MFSD8: variants seen among roughly 807,000 people sequenced by gnomAD.
The protein encoded by MFSD8 is major facilitator superfamily domain containing 8.
Under a neutral mutation model 66.4 loss-of-function variants are expected in MFSD8, and 55 were observed. The observed-to-expected ratio is 0.83, with a 90% confidence interval of 0.67 to 1.04. MFSD8 has a LOEUF of 1.04. MFSD8 is among the 50% of genes least tolerant of loss of function. The probability of loss-of-function intolerance (pLI) is 0.00; values close to 1 mark genes in which losing one functional copy is unlikely to be tolerated. For missense variants in MFSD8, 550 were observed against 627.6 expected (o/e 0.88, Z 1.32); for synonymous variants, 202 against 212.8 (o/e 0.95, Z 0.44).
At chr4:127,953,158 A>G (rs1742286812) in intron 2 of MFSD8, among the ~76,000 whole-genome samples, 1 of 152,108 alleles carries the variant, frequency 6.6e-6, no homozygotes, top group South Asian at 2.1e-4. Flanking sequence ...CATTCTGATT[A>G]GTCTAAAAAA....
At chr4:127,922,040 AC>A in intron 9 of MFSD8, 77 bp from the exon 10 acceptor site, 1 of 1,255,056 alleles carries the variant, frequency 8.0e-7, no homozygotes, top group East Asian at 2.5e-5. Context: ...AATTTTAAAA[AC>A]TAAAAATAAT....
At chr4:127,935,067 A>C (rs964355908) in intron 7 of MFSD8, among the ~76,000 whole-genome samples, 7 of 152,104 alleles carry the variant, frequency 4.6e-5, no homozygotes, top group African/African-American at 1.7e-4. Context: ...TAGATTTGGA[A>C]ATAGTCTGCT....
At chr4:127,961,775 T>C (rs6822340) in intron 1 of MFSD8, among the ~76,000 whole-genome samples, 11,733 of 140,948 alleles carry the variant, frequency 0.083, 914 homozygotes, top group East Asian at 0.28. Flanking sequence ...GAGCCGAGAT[T>C]GCGCCACTGC....
At chr4:127,949,393 T>C (rs1741578485) in intron 3 of MFSD8, among the ~76,000 whole-genome samples, 1 of 152,224 alleles carries the variant, frequency 6.6e-6, no homozygotes, top group Non-Finnish European at 1.5e-5. Flanking sequence ...TGTTACCTGA[T>C]AGCCCAAATT....
At chr4:127,946,452 C>G (rs1002017221) in intron 3 of MFSD8, among the ~76,000 whole-genome samples, 1 of 151,988 alleles carries the variant, frequency 6.6e-6, no homozygotes, top group Non-Finnish European at 1.5e-5. Flanking sequence ...CAATGACTAC[C>G]AGCATGGAAA....
At chr4:127,939,604 CAAAAAAAAAAAAAAA>C in intron 6 of MFSD8, 1 of 80,840 alleles carries the variant, frequency 1.2e-5, no homozygotes, top group South Asian at 2.1e-4. Flanking sequence ...GATCTTGTCT[CAAAAAAAAAAAAAAA>C]AAAAAAAAAA....
At chr4:127,962,858 G>A (rs1744028716) in intron 1 of MFSD8, among the ~76,000 whole-genome samples, 1 of 152,124 alleles carries the variant, frequency 6.6e-6, no homozygotes, top group Non-Finnish European at 1.5e-5. Flanking sequence ...TTAGTAAATC[G>A]AGGACCAGAG....
upstream of MFSD8, chr4:127,965,512 G>A: frequency 2.8e-6 from 1 of 354,376 alleles, no homozygotes; most frequent in Non-Finnish European, 5.4e-6. Flanking sequence ...TGCGATTGGG[G>A]CTGGGACCAA....
chr4:127,942,712 ACT>A (rs1266079016), intron 4 of MFSD8, among the ~76,000 whole-genome samples: 3 of 152,052 alleles, frequency 2.0e-5, no homozygotes, highest in African/African-American at 7.2e-5. Context: ...CTAAAAAAGC[ACT>A]GAGTGAATGG....
intron 8 of MFSD8, 23 bp from the exon 9 acceptor site, chr4:127,930,840 TA>T: frequency 6.3e-7 from 1 of 1,590,846 alleles, no homozygotes; most frequent in South Asian, 1.1e-5. Flanking sequence ...AAATTATTCT[TA>T]TTTTATTTAA....
At position 127,942,087 on chromosome 4, in the gene MFSD8, T is replaced by C; in HGVS notation, c.511A>G (p.Asn171Asp). Residue 171 changes from asparagine (N) to aspartate (D), a missense_variant, in exon 5 of 12, where the codon AAC becomes GAC. Asn to Asp is a conservative substitution (Grantham distance 23, BLOSUM62 1). Coordinates refer to ENST00000641686, the MANE Select transcript of MFSD8 (RefSeq NM_001371596.2). ...SLQERTSSMA[N>D]ISMCQALGFI... ...CCTAATGCTTGACACATGCTTATGT[T>C]TGCCATGGAACTTGTTCTTTCCTGA... The C allele has an allele frequency of 1.2e-6, 2 of 1,614,080 alleles. No homozygotes were observed. The highest frequency in any genetic ancestry group is 1.7e-6 in the Non-Finnish European group (2 of 1,179,978).
intron 5 of MFSD8, among the ~76,000 whole-genome samples, chr4:127,940,355 G>A (rs1377758835): frequency 4.0e-5 from 6 of 151,736 alleles, no homozygotes; most frequent in African/African-American, 4.8e-5. Context: ...ACAAGGAATT[G>A]TATCTTACAT....
chr4:127,927,316 C>A (rs984431932), intron 9 of MFSD8, among the ~76,000 whole-genome samples: 2 of 152,104 alleles, frequency 1.3e-5, no homozygotes, highest in Non-Finnish European at 2.9e-5. Context: ...GCTGTGATTA[C>A]AGGCACTGGC....
At chr4:127,961,747 G>A (rs1295449823) in intron 1 of MFSD8, among the ~76,000 whole-genome samples, 1 of 151,470 alleles carries the variant, frequency 6.6e-6, no homozygotes, top group African/African-American at 2.4e-5. Flanking sequence ...CGTGAACCCG[G>A]GAGGCGGAGC....
At position 127,930,792 on chromosome 4, in the gene MFSD8, T is replaced by C; in HGVS notation, c.889A>G (p.Met297Val). 1 of 1,611,842 alleles carries C rather than the reference T, an allele frequency of 6.2e-7. No homozygotes were observed. The highest frequency in any genetic ancestry group is 8.5e-7 in the Non-Finnish European group (1 of 1,179,164). Residue 297 changes from methionine (M) to valine (V), a missense_variant, in exon 9 of 12, where the codon ATG (methionine) becomes GTG (valine). Met to Val is a conservative substitution (Grantham distance 21). Transcript: ENST00000641686. ...GCTTGTTCTTGAGTCCAGGCATACA[T>C]ATCCATTGTTAATGGAGTAATGATG... ...ETIITPLTMD[M>V]YAWTQEQAVL...
intron 1 of MFSD8, among the ~76,000 whole-genome samples, chr4:127,959,438 T>C (rs1024706355): frequency 1.2e-4 from 18 of 152,316 alleles, no homozygotes; most frequent in Middle Eastern, 3.4e-3. Context: ...TTTGGAACAA[T>C]TGGAAAAACT....
At chr4:127,940,538 A>ATGTG (rs1553949829) in intron 5 of MFSD8, among the ~76,000 whole-genome samples, 66 of 140,682 alleles carry the variant, frequency 4.7e-4, no homozygotes, top group Non-Finnish European at 5.7e-4. Flanking sequence ...ATATATATAT[A>ATGTG]TGTGTGTGTG....
rs542843916 is a variant in MFSD8 at position 127,927,908 on chromosome 4, G to A, written c.998+2775C>T. ...TAGGGATCTCATTATATCATAGTGA[G>A]ATAAGATCTCACTATGTTGCCCAGG... On this transcript the variant is annotated intron_variant, in intron 9 of 11. Transcript: ENST00000641686. 1.1e-4 allele frequency among the ~76,000 whole-genome samples: 17 copies of A among 152,202 alleles called. No homozygotes were observed. The South Asian group carries it at 3.5e-3, about 32-fold the overall frequency.
Position 127,942,152 on chromosome 4 carries a change from A to G in MFSD8, c.446T>C (p.Val149Ala), listed in dbSNP as rs1429005855. 6.2e-7 allele frequency: 1 copy of G among 1,603,946 alleles called. No homozygotes were observed. The highest frequency in any genetic ancestry group is 8.5e-7 in the Non-Finnish European group (1 of 1,170,876). Residue 149 changes from valine (V) to alanine (A), a missense_variant, in exon 5 of 12, where the codon GTA becomes GCA. By Grantham distance (64) the Val-to-Ala change is moderately conservative. Coordinates refer to ENST00000641686, the MANE Select transcript of MFSD8 (RefSeq NM_001371596.2). ...RGLLGIGAGNVAVVRSYTAGA... is the reference protein window; with the variant it reads ...RGLLGIGAGNAAVVRSYTAGA... ...AGCAGTATATGATCTAACAACTGCT[A>G]CATTTCCTTAAAAACAAGACACAAT...
Sources: allele counts gnomAD v4.1 joint callset (sites outside exome capture counted in the v4.1 genomes callset), GRCh38; gene constraint gnomAD v4.1.1; transcripts MANE v1.5; gene names NCBI Gene and HGNC (gene_info 2026-07-23, HGNC 2026-07-21).